The following RFC3 variants were observed in gnomAD, a reference collection of about 807,000 sequenced individuals.
RFC3 encodes A1 38 kDa subunit.
In RFC3, 41 loss-of-function variants were observed where a neutral mutation model predicts 45.1. The ratio of observed to expected loss-of-function variants is 0.91; its 90% CI spans 0.71 to 1.18. The LOEUF (loss-of-function observed/expected upper bound fraction) is 1.18, where lower values mean the gene tolerates loss of function less well. RFC3 is among the 50% of genes most tolerant of loss of function. RFC3 has a pLI of 0.00. For missense variants in RFC3, 423 were observed against 428.1 expected (o/e 0.99, Z 0.10); for synonymous variants, 149 against 144.0 (o/e 1.03, Z -0.25).
intron 8 of RFC3, among the ~76,000 whole-genome samples, chr13:33,907,008 T>A (rs1413131242): frequency 2.0e-5 from 3 of 151,896 alleles, no homozygotes; most frequent in African/African-American, 7.3e-5. Context: ...TTTAAAAATT[T>A]TTTTATAGTG....
chr13:33,897,665 CA>C (rs2082609595), intron 8 of RFC3, among the ~76,000 whole-genome samples: 1 of 151,832 alleles, frequency 6.6e-6, no homozygotes, highest in Non-Finnish European at 1.5e-5. Flanking sequence ...ATGCTGCCTT[CA>C]AAAAAGTCAC....
the RFC3 span, among the ~76,000 whole-genome samples, chr13:33,973,224 A>C: frequency 2.6e-5 from 4 of 152,100 alleles, no homozygotes; most frequent in Non-Finnish European, 5.9e-5. Flanking sequence ...AAGTTTGAGA[A>C]TTTGAGAGAT....
intron 8 of RFC3, among the ~76,000 whole-genome samples, chr13:33,900,886 T>G (rs1282338150): frequency 6.8e-6 from 1 of 147,894 alleles, no homozygotes; most frequent in African/African-American, 2.5e-5. Flanking sequence ...GGACAAAAAA[T>G]GTGATTAGAC....
chr13:33,869,256 T>C (rs533857672), intron 8 of RFC3, among the ~76,000 whole-genome samples: 1 of 152,326 alleles, frequency 6.6e-6, no homozygotes, highest in Non-Finnish European at 1.5e-5. Flanking sequence ...TCTGCTTCAT[T>C]AAGTTAGTGA....
chr13:33,930,846 T>A (rs1230901760), intron 8 of RFC3, among the ~76,000 whole-genome samples: 1 of 152,186 alleles, frequency 6.6e-6, no homozygotes, highest in Admixed American at 6.5e-5. Flanking sequence ...AAGCTTGTTA[T>A]AATCAGTATG....
chr13:33,863,712 C>T (rs968385310), intron 8 of RFC3, among the ~76,000 whole-genome samples: 3 of 152,158 alleles, frequency 2.0e-5, no homozygotes, highest in Admixed American at 6.5e-5. Context: ...TCCATGAAAC[C>T]GCTAAGTCCT....
intron 8 of RFC3, among the ~76,000 whole-genome samples, chr13:33,906,279 A>G (rs953794971): frequency 5.3e-5 from 8 of 152,150 alleles, no homozygotes; most frequent in East Asian, 1.9e-4. Flanking sequence ...TAGTAAATCA[A>G]GAGAGATTGA....
intron 8 of RFC3, among the ~76,000 whole-genome samples, chr13:33,864,531 T>C (rs2082361093): frequency 6.6e-6 from 1 of 152,080 alleles, no homozygotes; most frequent in Non-Finnish European, 1.5e-5. Flanking sequence ...TGAAGTGAGC[T>C]CATGAAGGGT....
At chr13:33,837,989 A>G (rs2082170695), downstream of RFC3, among the ~76,000 whole-genome samples, 1 of 151,924 alleles carries the variant, frequency 6.6e-6, no homozygotes, top group Non-Finnish European at 1.5e-5. Context: ...TCAATTTCCA[A>G]GTCCTTAGGG....
In RFC3 at chr13:33,874,822, A is replaced by G. The variant is rs534736040; in HGVS notation, c.879+39605A>G. 2.4e-4 allele frequency among the ~76,000 whole-genome samples: 36 copies of G among 152,324 alleles called. No individual in the cohort carries two copies. The South Asian group carries it at 7.5e-3, about 32-fold the overall frequency. ...ACAAGGCAACTGGCTTGTCTGGTTT[A>G]AGTGCCTCACTTCTGTTTAGAGCCA... On this transcript the variant is annotated intron_variant, in intron 8 of 8. Transcript: ENST00000434425.
At chr13:33,874,467 G>A (rs1054160929) in intron 8 of RFC3, among the ~76,000 whole-genome samples, 1 of 152,168 alleles carries the variant, frequency 6.6e-6, no homozygotes, top group Non-Finnish European at 1.5e-5. Flanking sequence ...ACAGGCATGC[G>A]CCACCACGCC....
chr13:33,838,357 G>A (rs770289955), downstream of RFC3, among the ~76,000 whole-genome samples: 2 of 151,930 alleles, frequency 1.3e-5, no homozygotes, highest in Non-Finnish European at 1.5e-5. Context: ...TTCTTATAGC[G>A]TACGTCTGCT....
intron 8 of RFC3, among the ~76,000 whole-genome samples, chr13:33,873,984 A>G (rs548427477): frequency 4.6e-5 from 7 of 152,176 alleles, no homozygotes; most frequent in South Asian, 2.1e-4. Context: ...ATGCTTTTGT[A>G]TATAAAAATT....
At chr13:33,895,744 T>C (rs1296741423) in intron 8 of RFC3, among the ~76,000 whole-genome samples, 3 of 152,110 alleles carry the variant, frequency 2.0e-5, no homozygotes, top group Non-Finnish European at 4.4e-5. Context: ...TGCAAAGACA[T>C]GGAACCAACC....
At chr13:33,820,940 A>T (rs188856824) in intron 1 of RFC3, among the ~76,000 whole-genome samples, 192 bp from the exon 2 acceptor site, 1 of 149,196 alleles carries the variant, frequency 6.7e-6, no homozygotes, top group Non-Finnish European at 1.5e-5. Context: ...TATATAAAAG[A>T]TACACAATAT....
chr13:33,967,439 A>C (rs1021888172), downstream of RFC3, among the ~76,000 whole-genome samples: 3 of 151,878 alleles, frequency 2.0e-5, no homozygotes, highest in Admixed American at 6.6e-5. Context: ...AATGCTCTGC[A>C]GAATCCTACC....
At chr13:33,881,072 A>G (rs1018122727) in intron 8 of RFC3, among the ~76,000 whole-genome samples, 1 of 152,154 alleles carries the variant, frequency 6.6e-6, no homozygotes, top group African/African-American at 2.4e-5. Flanking sequence ...AAACAAACAA[A>G]AAAAGATGTT....
At chr13:33,948,612 TGTGAATTCAGCCAGGA>T (rs1173028365) in intron 8 of RFC3, among the ~76,000 whole-genome samples, 4 of 152,176 alleles carry the variant, frequency 2.6e-5, no homozygotes, top group African/African-American at 9.6e-5. Context: ...AATGCCAGTC[TGTGAATTCAGCCAGGA>T]GAGGGGCTGT....
intron 8 of RFC3, among the ~76,000 whole-genome samples, chr13:33,916,002 T>C (rs1210094380): frequency 6.6e-6 from 1 of 152,188 alleles, no homozygotes; most frequent in African/African-American, 2.4e-5. Flanking sequence ...TTTTGCCATG[T>C]TGGCCAGGCT....
Sources: allele counts gnomAD v4.1 joint callset (sites outside exome capture counted in the v4.1 genomes callset), GRCh38; gene constraint gnomAD v4.1.1; transcripts MANE v1.5; gene names NCBI Gene and HGNC (gene_info 2026-07-23, HGNC 2026-07-21).